SHTN1: variants seen among roughly 807,000 people sequenced by gnomAD.
SHTN1 encodes shootin 1, also known as shootin-1.
A neutral mutation model predicts 83.1 loss-of-function variants in SHTN1; 42 were observed. That is an observed-to-expected ratio of 0.51 (90% CI 0.39 to 0.65). The LOEUF is 0.65. Ranked by LOEUF, SHTN1 falls within the 30% of genes least tolerant of loss-of-function variation. The probability of loss-of-function intolerance (pLI) is 0.00; values close to 1 mark genes in which losing one functional copy is unlikely to be tolerated. For synonymous variants in SHTN1, 224 were observed against 247.7 expected, an observed-to-expected ratio of 0.90 and a Z score of 0.90; for missense variants, 622 against 737.8, an observed-to-expected ratio of 0.84 and a Z score of 1.82.
intron 16 of SHTN1, among the ~76,000 whole-genome samples, chr10:116,889,330 G>A (rs3781566): frequency 0.24 from 37,174 of 152,118 alleles, 5,005 homozygotes; most frequent in East Asian, 0.41. Context: ...TCCAAAGAAC[G>A]ATCTCCCTGT....
At chr10:116,982,059 A>AAAAC (rs749860993) in intron 1 of SHTN1, among the ~76,000 whole-genome samples, 127 of 152,302 alleles carry the variant, frequency 8.3e-4, no homozygotes, top group African/African-American at 2.5e-3. Flanking sequence ...CTCCGTCTCA[A>AAAAC]AAACAAACAA....
chr10:117,119,846 A>AAG (rs1338430330), intron 1 of SHTN1, among the ~76,000 whole-genome samples: 7 of 151,862 alleles, frequency 4.6e-5, no homozygotes, highest in African/African-American at 1.7e-4. Flanking sequence ...TCAGTTGTAA[A>AAG]AAAAAAAAAA....
chr10:116,951,126 T>C (rs969226981), intron 6 of SHTN1, among the ~76,000 whole-genome samples: 4 of 152,058 alleles, frequency 2.6e-5, no homozygotes, highest in Non-Finnish European at 5.9e-5. Flanking sequence ...TGAAAGACAG[T>C]TCAAAAGGAA....
chr10:117,009,651 TC>T (rs1386472092), upstream of SHTN1, among the ~76,000 whole-genome samples: 1 of 152,126 alleles, frequency 6.6e-6, no homozygotes, highest in African/African-American at 2.4e-5. Flanking sequence ...AAGCCCGTAA[TC>T]CCAGCACTTT....
chr10:116,919,015 A>G, intron 12 of SHTN1, among the ~76,000 whole-genome samples: 1 of 152,170 alleles, frequency 6.6e-6, no homozygotes. Flanking sequence ...GCCATAAGTA[A>G]GGAGTAAAAG....
intron 11 of SHTN1, among the ~76,000 whole-genome samples, chr10:116,927,518 CA>C (rs1423817971): frequency 2.0e-5 from 3 of 152,076 alleles, no homozygotes; most frequent in Non-Finnish European, 4.4e-5. Flanking sequence ...TTTATAAAAC[CA>C]TCAGATCTCA....
chr10:116,985,057 T>C (rs1447477621), intron 1 of SHTN1, among the ~76,000 whole-genome samples: 1 of 152,218 alleles, frequency 6.6e-6, no homozygotes, highest in Non-Finnish European at 1.5e-5. Flanking sequence ...AATCAGCAGG[T>C]TTATCTTAAT....
intron 1 of SHTN1, among the ~76,000 whole-genome samples, chr10:117,087,087 C>T (rs188127140): frequency 7.2e-5 from 11 of 152,040 alleles, no homozygotes; most frequent in African/African-American, 2.2e-4. Flanking sequence ...TAGAGGTTAC[C>T]AAGGTTACCA....
intron 4 of SHTN1, among the ~76,000 whole-genome samples, chr10:116,958,053 C>A (rs191122360): frequency 1.3e-5 from 2 of 152,122 alleles, no homozygotes; most frequent in East Asian, 3.9e-4. Context: ...GAGCAGGACT[C>A]CATTTCAAAA....
intron 16 of SHTN1, among the ~76,000 whole-genome samples, chr10:116,895,662 G>C (rs1438226954): frequency 1.3e-5 from 2 of 152,142 alleles, no homozygotes; most frequent in African/African-American, 4.8e-5. Context: ...CCTATAGAAG[G>C]AATCTTATGG....
In SHTN1 at chr10:117,004,182, C is replaced by T. The variant is rs533539296; in HGVS notation, c.58+840G>A. On this transcript the variant is annotated intron_variant, in intron 1 of 16. Transcript: ENST00000355371. ...GATTACAGGCGTGAGCCACCGCACCCGGCTGGTTCCTCCCTGTCTTGACCC... is the reference window on the plus strand; with the variant it reads ...GATTACAGGCGTGAGCCACCGCACCTGGCTGGTTCCTCCCTGTCTTGACCC... Among the ~76,000 whole-genome samples the T allele has an allele frequency of 5.9e-5, 9 of 152,268 alleles. No homozygotes were observed. The South Asian group carries it at 6.2e-4, about 11-fold the overall frequency.
chr10:117,069,141 G>A (rs74159034), intron 1 of SHTN1, among the ~76,000 whole-genome samples: 2,738 of 152,254 alleles, frequency 0.018, 96 homozygotes, highest in African/African-American at 0.062. Context: ...AGACAGTGAG[G>A]TCTCAGAAGC....
chr10:117,047,800 A>G (rs553634664), intron 2 of SHTN1, among the ~76,000 whole-genome samples: 1 of 150,484 alleles, frequency 6.6e-6, no homozygotes, highest in African/African-American at 2.4e-5. Flanking sequence ...TATTTTTAGT[A>G]GAGATGGGGT....
intron 1 of SHTN1, among the ~76,000 whole-genome samples, chr10:117,103,440 T>A (rs182591001): frequency 2.6e-3 from 398 of 152,054 alleles, no homozygotes; most frequent in African/African-American, 9.3e-3. Context: ...ATACCACCCA[T>A]GTTTTCTACA....
chr10:117,009,200 C>T (rs1384931311), upstream of SHTN1, among the ~76,000 whole-genome samples: 1 of 152,032 alleles, frequency 6.6e-6, no homozygotes, highest in African/African-American at 2.4e-5. Flanking sequence ...CAAAAACATA[C>T]ACATTTTTTT....
Position 117,013,910 on chromosome 10 carries a change from A to G in SHTN1, c.-123+34535T>C, listed in dbSNP as rs139094536. ...GAACAAATATATATATCTTCCAAAT[A>G]TGTGTGTGTGTATATATATATTTTT... On this transcript the variant is annotated intron_variant, in intron 2 of 17. Coordinates refer to the SHTN1 transcript ENST00000392901. 9.4e-4 allele frequency among the ~76,000 whole-genome samples: 143 copies of G among 152,198 alleles called. 1 individual carries two copies. Among genetic ancestry groups the G allele is most frequent in the African/African-American group, 3.2e-3 (132 of 41,526 alleles).
intron 9 of SHTN1, among the ~76,000 whole-genome samples, chr10:116,939,560 C>T (rs748943278): frequency 2.6e-5 from 4 of 152,324 alleles, no homozygotes; most frequent in East Asian, 3.9e-4. Flanking sequence ...CCGCCTTCTG[C>T]GTTGATCCCG....
rs541615727 is a variant in SHTN1 at position 116,987,322 on chromosome 10, C to T, written c.59-8014G>A. On this transcript the variant is annotated intron_variant, in intron 1 of 16. Coordinates refer to ENST00000355371, the MANE Select transcript of SHTN1 (RefSeq NM_001127211.3). ...ACAGAACACTTCCCTTCCTTCCATA[C>T]GTTACCACCACCCTAATGTTTATAC... Among the ~76,000 whole-genome samples the T allele has an allele frequency of 7.8e-4, 119 of 152,246 alleles. 2 individuals are homozygous for T. The South Asian group carries it at 0.022, about 28-fold the overall frequency.
chr10:116,918,809 T>A (rs1437087082), intron 12 of SHTN1, among the ~76,000 whole-genome samples: 1 of 152,176 alleles, frequency 6.6e-6, no homozygotes, highest in Non-Finnish European at 1.5e-5. Context: ...CACGGCGAAG[T>A]AAGAAAAGAT....
Sources: allele counts gnomAD v4.1 joint callset (sites outside exome capture counted in the v4.1 genomes callset), GRCh38; gene constraint gnomAD v4.1.1; transcripts MANE v1.5; gene names NCBI Gene and HGNC (gene_info 2026-07-23, HGNC 2026-07-21).